FHIT: variants seen among roughly 807,000 people sequenced by gnomAD.
FHIT encodes the protein bis(5'-adenosyl)-triphosphatase.
A neutral mutation model predicts 17.9 loss-of-function variants in FHIT; 19 were observed. That is an observed-to-expected ratio of 1.06 (90% CI 0.74 to 1.56). The LOEUF (loss-of-function observed/expected upper bound fraction) is 1.56. Among genes scored for constraint, FHIT ranks in the 40% most tolerant of loss-of-function variants. The pLI is 0.00. For synonymous variants in FHIT, 81 were observed against 69.7 expected (o/e 1.16, Z -0.81); for missense variants, 248 against 189.2 (o/e 1.31, Z -1.82).
intron 8 of FHIT, among the ~76,000 whole-genome samples, chr3:59,902,029 TA>T (rs1450434706): frequency 6.6e-6 from 1 of 152,152 alleles, no homozygotes; most frequent in African/African-American, 2.4e-5. Flanking sequence ...TGGGAGAGCA[TA>T]TTTGGAAACC....
chr3:60,346,974 T>A (rs1238671910), intron 5 of FHIT, among the ~76,000 whole-genome samples: 1 of 152,222 alleles, frequency 6.6e-6, no homozygotes, highest in Admixed American at 6.5e-5. Context: ...ATCAGGCGTA[T>A]CATCTAGAAA....
At position 59,818,344 on chromosome 3, in the gene FHIT, T is replaced by C. The variant is rs577213099; in HGVS notation, c.349-66023A>G. Among the ~76,000 whole-genome samples the C allele has an allele frequency of 3.9e-5, 6 of 152,124 alleles. 1 individual carries two copies. The East Asian group carries it at 5.8e-4, about 15-fold the overall frequency. On this transcript the variant is annotated intron_variant, in intron 8 of 9. Transcript: ENST00000492590. ...TGTGCAAGGTTTGGGAATGGAAATA[T>C]AGCAGGGTGCCCACTCCTAAGTGGG...
At chr3:59,980,773 G>C (rs115686184) in intron 7 of FHIT, among the ~76,000 whole-genome samples, 1,924 of 152,258 alleles carry the variant, frequency 0.013, 31 homozygotes, top group African/African-American at 0.043. Context: ...AAAGCTGCCA[G>C]TGTCTTGATC....
chr3:61,193,027 C>T (rs114980158), intron 2 of FHIT, among the ~76,000 whole-genome samples: 2,132 of 152,228 alleles, frequency 0.014, 49 homozygotes, highest in African/African-American at 0.046. Context: ...CATATTCAAA[C>T]GCAAAAGATG....
chr3:60,204,929 CA>C (rs199979370), intron 5 of FHIT, among the ~76,000 whole-genome samples: 3 of 150,340 alleles, frequency 2.0e-5, no homozygotes, highest in Non-Finnish European at 4.4e-5. Context: ...CCATTTCTAC[CA>C]AAAAAAACAA....
At chr3:61,117,395 C>T (rs1039585917) in intron 2 of FHIT, among the ~76,000 whole-genome samples, 1 of 152,108 alleles carries the variant, frequency 6.6e-6, no homozygotes, top group African/African-American at 2.4e-5. Context: ...AATCACCTTA[C>T]TTTTGTAGCA....
chr3:60,044,839 G>A (rs186441949), intron 5 of FHIT, among the ~76,000 whole-genome samples: 2 of 152,038 alleles, frequency 1.3e-5, no homozygotes, highest in Admixed American at 6.6e-5. Flanking sequence ...AGAAACCTGG[G>A]GAGACACTGG....
chr3:61,177,739 C>T (rs1327343980), intron 2 of FHIT, among the ~76,000 whole-genome samples: 1 of 152,086 alleles, frequency 6.6e-6, no homozygotes, highest in Non-Finnish European at 1.5e-5. Context: ...GATACGTTTG[C>T]CTTTAACAAA....
chr3:60,733,900 C>T (rs2042082622), intron 4 of FHIT, among the ~76,000 whole-genome samples: 2 of 152,116 alleles, frequency 1.3e-5, no homozygotes, highest in Non-Finnish European at 2.9e-5. Flanking sequence ...TTATTCTATA[C>T]TTGATGCATT....
At chr3:59,904,509 T>C (rs984357904) in intron 8 of FHIT, among the ~76,000 whole-genome samples, 19 of 152,188 alleles carry the variant, frequency 1.2e-4, no homozygotes, top group African/African-American at 4.6e-4. Flanking sequence ...ACAAGTAGAC[T>C]GAAGTCATGA....
chr3:60,022,180 T>A (rs1468631391), intron 5 of FHIT, among the ~76,000 whole-genome samples: 1 of 149,762 alleles, frequency 6.7e-6, no homozygotes, highest in Non-Finnish European at 1.5e-5. Flanking sequence ...CCTGAGTAAT[T>A]TTTCTGTTTT....
chr3:60,732,065 C>T (rs537876413), intron 4 of FHIT: 30 of 554,992 alleles, frequency 5.4e-5, no homozygotes, highest in South Asian at 3.3e-4. Context: ...TAGGATACTG[C>T]GAGCAAATGG....
At chr3:60,094,967 C>A (rs983404601) in intron 5 of FHIT, among the ~76,000 whole-genome samples, 2 of 152,176 alleles carry the variant, frequency 1.3e-5, no homozygotes, top group Non-Finnish European at 2.9e-5. Flanking sequence ...TCCCTAGAGT[C>A]TTGATCATGA....
intron 8 of FHIT, among the ~76,000 whole-genome samples, chr3:59,826,350 C>T (rs1370104040): frequency 1.3e-5 from 2 of 152,156 alleles, no homozygotes; most frequent in Non-Finnish European, 2.9e-5. Flanking sequence ...ATATAGTTCC[C>T]TTTTCCAGCA....
chr3:60,060,168 G>A (rs1403229893), intron 5 of FHIT, among the ~76,000 whole-genome samples: 1 of 151,226 alleles, frequency 6.6e-6, no homozygotes, highest in Non-Finnish European at 1.5e-5. Flanking sequence ...GAACATAATG[G>A]AAGGTATAAT....
At chr3:60,799,510 A>G (rs1701110046) in intron 4 of FHIT, among the ~76,000 whole-genome samples, 1 of 151,432 alleles carries the variant, frequency 6.6e-6, no homozygotes, top group African/African-American at 2.4e-5. Context: ...GCCCTCTAAA[A>G]TCTTGTTCTT....
rs1385865854 is a variant in FHIT at position 61,177,186 on chromosome 3, AAAAAG to A, written c.-164+23426_-164+23430del. On this transcript the variant is annotated intron_variant, in intron 2 of 9. Transcript: ENST00000492590. ...AGTAAGACTCCATCTCAAAAAAAAAAAAAAGAAAAAGAAAGAGAACCAAATCATTT... is the reference window on the plus strand; with the variant it reads ...AGTAAGACTCCATCTCAAAAAAAAAAAAAAAGAAAGAGAACCAAATCATTT... Among the ~76,000 whole-genome samples the A allele has an allele frequency of 5.2e-3, 250 of 48,000 alleles. No homozygotes were observed. The East Asian group carries it at 0.1, about 19-fold the overall frequency. 31.5% of individuals were successfully genotyped at this position (48,000 alleles called of 152,430 possible).
intron 3 of FHIT, among the ~76,000 whole-genome samples, chr3:60,858,186 T>C (rs1703464855): frequency 6.6e-6 from 1 of 152,124 alleles, no homozygotes; most frequent in Admixed American, 6.6e-5. Flanking sequence ...AGTATGATAG[T>C]GCAGATTCTC....
rs569872665 is a variant in FHIT at position 60,018,902 on chromosome 3, T to C, written c.104-4750A>G. Reference sequence around the variant, plus strand: ...GGCAGAGACAGAAGAATCCCTTGAATCCGGGAGGTGGAGGTTGCAGTGAGC... The same window carrying C: ...GGCAGAGACAGAAGAATCCCTTGAACCCGGGAGGTGGAGGTTGCAGTGAGC... On this transcript the variant is annotated intron_variant, in intron 5 of 9. Transcript: ENST00000492590. Among the ~76,000 whole-genome samples the C allele has an allele frequency of 2.0e-5, 3 of 152,134 alleles. No homozygotes were observed. In the East Asian group the frequency reaches 5.8e-4, roughly 29 times the overall value.
Sources: allele counts gnomAD v4.1 joint callset (sites outside exome capture counted in the v4.1 genomes callset), GRCh38; gene constraint gnomAD v4.1.1; transcripts MANE v1.5; gene names NCBI Gene and HGNC (gene_info 2026-07-23, HGNC 2026-07-21).